Variants in SLC29A2 observed in about 807,000 individuals in gnomAD.
SLC29A2 encodes the protein solute carrier family 29 member 2.
SLC29A2 carries 37 observed loss-of-function variants against 48.8 expected under a neutral mutation model. That is an observed-to-expected ratio of 0.76 (90% confidence interval 0.58 to 1.00). The LOEUF is 1.00. SLC29A2 is among the 50% of genes least tolerant of loss of function. The pLI is 0.00. For missense variants in SLC29A2, 533 were observed against 578.6 expected, an observed-to-expected ratio of 0.92 and a Z score of 0.81; for synonymous variants, 233 against 261.7, an observed-to-expected ratio of 0.89 and a Z score of 1.06.
chr11:66,366,463 C>G lies in SLC29A2; in HGVS notation c.835G>C (p.Gly279Arg). The G allele has an allele frequency of 6.2e-7, 1 of 1,614,214 alleles. No homozygotes were observed. The highest frequency in any genetic ancestry group is 8.5e-7 in the Non-Finnish European group (1 of 1,180,052). Residue 279 changes from glycine to arginine, a missense_variant, in exon 8 of 12, where the codon GGA (glycine) becomes CGA (arginine). Transcript: ENST00000357440. ...AAGACAGTGAAGACTGAAGGTTTTC[C>G]TGGCTTCTGGGGCTCATCTGGCTCT... ...ESEPDEPQKPGKPSVFTVFQK... is the reference protein window; with the variant it reads ...ESEPDEPQKPRKPSVFTVFQK...
chr11:66,370,859 A>C (rs1203168319), intron 2 of SLC29A2, among the ~76,000 whole-genome samples: 2 of 3,450 alleles, frequency 5.8e-4, no homozygotes, highest in East Asian at 0.2. Flanking sequence ...ACTCTGTCTC[A>C]AAAAAAAAAA....
intron 6 of SLC29A2, 81 bp downstream of exon 6, chr11:66,367,691 C>T: frequency 6.6e-7 from 1 of 1,510,854 alleles, no homozygotes; most frequent in Non-Finnish European, 9.2e-7. Flanking sequence ...TCCACCTCCC[C>T]TGGCCTCTCT....
rs756512069 is a variant in SLC29A2, at chr11:66,369,475, T to C, written c.169A>G (p.Asn57Asp). The C allele has an allele frequency of 3.1e-6, 5 of 1,614,042 alleles. No individual in the cohort carries two copies. The East Asian group carries it at 8.9e-5, about 29-fold the overall frequency. Reference sequence around the variant, plus strand: ...AAGGCATCCTCGGGACCCGTGTGGTTGGTGCTCAGGATCCTGGCTGTGCTG... The same window carrying C: ...AAGGCATCCTCGGGACCCGTGTGGTCGGTGCTCAGGATCCTGGCTGTGCTG... Reference protein sequence around the residue: ...GNSTARILSTNHTGPEDAFNF... With the variant: ...GNSTARILSTDHTGPEDAFNF... Residue 57 changes from asparagine to aspartate, a missense_variant, in exon 3 of 12, where the codon AAC becomes GAC. Physicochemically the swap from Asn to Asp is conservative, Grantham distance 23. Transcript: ENST00000357440.
intron 7 of SLC29A2, 123 bp from the exon 8 acceptor site, chr11:66,366,687 C>T (rs532691411): frequency 7.5e-5 from 80 of 1,069,172 alleles, no homozygotes; most frequent in South Asian, 4.2e-4. Flanking sequence ...TGGTGGCTCA[C>T]GCCTGTAATC....
At chr11:66,369,024 G>C (rs186779316) in intron 4 of SLC29A2, 36 bp downstream of exon 4, 4 of 1,585,100 alleles carry the variant, frequency 2.5e-6, no homozygotes, top group Non-Finnish European at 3.4e-6. Context: ...CTGAAGCCCT[G>C]CATAGGCTGG....
Position 66,368,547 on chromosome 11 carries a change from C to G in SLC29A2, c.540G>C (p.Leu180=), listed in dbSNP as rs556001039. The G allele has an allele frequency of 1.2e-6, 2 of 1,613,596 alleles. No individual in the cohort carries two copies. Among genetic ancestry groups the G allele is most frequent in the African/African-American group, 2.7e-5 (2 of 75,068 alleles). ...CCCAAGTGCACTCACTGGCCATGGA[C>G]AGGAGCATGGCAAGGGCAGCAAAGA... is the stretch of plus-strand genomic sequence containing the variant. ...AGIFAALAML[L]SMASGVDAET... is the part of the protein sequence containing the mutation. Residue 180 remains leucine, a synonymous_variant, in exon 5 of 12, where the codon CTG becomes CTC. Coordinates refer to ENST00000357440, the MANE Select transcript of SLC29A2 (RefSeq NM_001532.3).
At chr11:66,368,814 G>C in intron 4 of SLC29A2, 143 bp from the exon 5 acceptor site, 1 of 1,189,338 alleles carries the variant, frequency 8.4e-7, no homozygotes, top group Non-Finnish European at 1.2e-6. Context: ...GCACTCGGGG[G>C]CAACACCCGC....
rs970679954 is a variant in SLC29A2, at chr11:66,371,674, G to T, written c.-83C>A. 1.4e-6 allele frequency: 2 copies of T among 1,381,582 alleles called. No individual in the cohort carries two copies. The highest frequency in any genetic ancestry group is 9.8e-7 in the Non-Finnish European group (1 of 1,017,260). 85.6% of individuals were successfully genotyped at this position (1,381,582 alleles called of 1,614,324 possible). On this transcript the variant is annotated 5_prime_UTR_variant, in exon 1 of 12. Transcript: ENST00000357440. ...GCGCTGGGGCGGAGGGCCGCAGACC[G>T]GTGGGGCGGGGGGCGGGTCTCCCCA...
chr11:66,367,081 C>G (rs552879854), intron 7 of SLC29A2, among the ~76,000 whole-genome samples: 2 of 152,166 alleles, frequency 1.3e-5, no homozygotes, highest in Non-Finnish European at 2.9e-5. Flanking sequence ...GGGTGATGAG[C>G]GAAGCACCTT....
At chr11:66,366,270 T>C (rs375063843) in intron 8 of SLC29A2, 39 bp from the exon 9 acceptor site, 2 of 1,599,452 alleles carry the variant, frequency 1.3e-6, no homozygotes, top group Non-Finnish European at 1.7e-6. Context: ...GGCAGGGCAG[T>C]CCCAGGGCCC....
At position 66,371,725 on chromosome 11, in the gene SLC29A2, C is replaced by G; in HGVS notation, c.-134G>C. 1 of 841,312 alleles carries G rather than the reference C, an allele frequency of 1.2e-6. No homozygotes were observed. Among genetic ancestry groups the G allele is most frequent in the South Asian group, 1.7e-5 (1 of 58,468 alleles). The allele number at this position is 841,312 out of a possible 1,614,324, so 52.1% of individuals were successfully genotyped here. On this transcript the variant is annotated 5_prime_UTR_variant, in exon 1 of 12. Coordinates refer to ENST00000357440, the MANE Select transcript of SLC29A2 (RefSeq NM_001532.3). ...GATTCCGGTGCAGGGCGGCTGGAGT[C>G]GCACAGGTAGCCTCGGGCGGATTTC...
Position 66,369,402 on chromosome 11 carries a change from A to T in SLC29A2, c.242T>A (p.Leu81His). 6.2e-7 allele frequency: 1 copy of T among 1,614,072 alleles called. No individual in the cohort carries two copies. Among genetic ancestry groups the T allele is most frequent in the Non-Finnish European group, 8.5e-7 (1 of 1,179,976 alleles). ...VTLLSQLPLL[L>H]FTLLNSFLYQ... ...CAGGAAGGAGTTGAGGAGGGTGAAG[A>T]GCAGCAGGGGCAGCTGGGACAGCAG... is the stretch of plus-strand genomic sequence containing the variant. The change falls in exon 3 of 12, where the codon CTC becomes CAC. Residue 81 changes from leucine to histidine, a missense_variant. Transcript: ENST00000357440.
At chr11:66,365,414 C>T (rs2134997541) in intron 10 of SLC29A2, among the ~76,000 whole-genome samples, 1 of 152,342 alleles carries the variant, frequency 6.6e-6, no homozygotes, top group East Asian at 1.9e-4. Context: ...CTTGTGCTCT[C>T]CACCGCATCT....
rs1041007017 is a variant in SLC29A2, at chr11:66,371,563, C to T, written c.29G>A (p.Ser10Asn). 45 of 1,550,804 alleles carry T rather than the reference C, an allele frequency of 2.9e-5. No individual in the cohort carries two copies. The highest frequency in any genetic ancestry group is 3.7e-5 in the Non-Finnish European group (43 of 1,148,494). Residue 10 changes from serine (S) to asparagine (N), a missense_variant and splice_region_variant, in exon 1 of 12, where the codon AGC becomes AAC. Coordinates refer to ENST00000357440, the MANE Select transcript of SLC29A2 (RefSeq NM_001532.3). The stretch of plus-strand genomic sequence containing the variant: ...TTGCAACGCACCCGGGCCCACTCAC[C>T]TGTCCCGCGGGGCGTCTCCTCGCGC... Reference protein sequence around the residue: MARGDAPRDSYHLVGISFFI... With the variant: MARGDAPRDNYHLVGISFFI...
chr11:66,370,969 C>T (rs1281226693), intron 2 of SLC29A2, among the ~76,000 whole-genome samples: 1 of 152,038 alleles, frequency 6.6e-6, no homozygotes, highest in Non-Finnish European at 1.5e-5. Flanking sequence ...GTGACTGACT[C>T]AGGAATAACG....
Position 66,369,151 on chromosome 11 carries a change from C to T in SLC29A2, c.324G>A (p.Leu108=). 1 of 1,581,088 alleles carries T rather than the reference C, an allele frequency of 6.3e-7. No homozygotes were observed. Among genetic ancestry groups the T allele is most frequent in the Non-Finnish European group, 8.6e-7 (1 of 1,163,826 alleles). ...CCAGCGCTGCTGTCAGGGCAAAGAG[C>T]AGCAGTATGGCCAGCAGGCTGCCCA... ...RILGSLLAIL[L]LFALTAALVK... The change falls in exon 4 of 12, where the codon CTG becomes CTA. Residue 108 remains leucine, a synonymous_variant. Transcript: ENST00000357440.
At chr11:66,366,619 G>A in intron 7 of SLC29A2, 55 bp from the exon 8 acceptor site, 2 of 1,595,414 alleles carry the variant, frequency 1.3e-6, no homozygotes, top group Non-Finnish European at 1.7e-6. Flanking sequence ...TTTCCCGACA[G>A]CCAGGCCCAA....
intron 2 of SLC29A2, among the ~76,000 whole-genome samples, chr11:66,370,137 C>T (rs1460059959): frequency 6.6e-6 from 1 of 152,252 alleles, no homozygotes; most frequent in African/African-American, 2.4e-5. Flanking sequence ...TGCCTGCCTG[C>T]CTTTGGCATG....
intron 2 of SLC29A2, 22 bp from the exon 3 acceptor site, chr11:66,369,554 G>T: frequency 6.2e-7 from 1 of 1,613,268 alleles, no homozygotes. Flanking sequence ...GGAGGTGGTG[G>T]AGGGTCAGCA....
Sources: gnomAD v4.1 joint callset for allele counts (sites outside exome capture counted in the v4.1 genomes callset) on GRCh38, gnomAD v4.1.1 for gene constraint, MANE v1.5 for transcripts, NCBI Gene and HGNC (gene_info 2026-07-23, HGNC 2026-07-21) for gene names.